Variants in APC observed in about 807,000 individuals in gnomAD.
The protein encoded by APC is APC regulator of Wnt signaling pathway.
APC carries 72 observed loss-of-function variants against 247.0 expected under a neutral mutation model. The observed-to-expected ratio is 0.29, with a 90% CI of 0.24 to 0.35. APC has a LOEUF of 0.35. Ranked by LOEUF, APC falls within the 10% of genes least tolerant of loss-of-function variation. The pLI is 1.00. For missense variants in APC, 3,400 were observed against 3,360.7 expected (o/e 1.01, Z -0.29); for synonymous variants, 1,254 against 1,162.5 (o/e 1.08, Z -1.60).
At chr5:112,823,498 A>G (rs926534027) in intron 11 of APC, 1 of 152,392 alleles carries the variant, frequency 6.6e-6, no homozygotes, top group Non-Finnish European at 1.5e-5. Flanking sequence ...CGGGGAGATA[A>G]TAGTACAAGA....
intron 7 of APC, among the ~76,000 whole-genome samples, chr5:112,793,372 A>T (rs1759857885): frequency 6.6e-6 from 1 of 152,174 alleles, no homozygotes; most frequent in African/African-American, 2.4e-5. Flanking sequence ...ATCTCCAGGC[A>T]AGTTTCTGGA....
upstream of APC, chr5:112,737,839 C>G: frequency 1.0e-6 from 1 of 985,682 alleles, no homozygotes; most frequent in Non-Finnish European, 1.2e-6. Context: ...GGTGTGGGCG[C>G]ACGTGACCGA....
chr5:112,748,058 G>T (rs1753882291), intron 1 of APC, among the ~76,000 whole-genome samples: 1 of 152,162 alleles, frequency 6.6e-6, no homozygotes, highest in African/African-American at 2.4e-5. Flanking sequence ...GACCCACAAA[G>T]CCTTATAATA....
In APC at chr5:112,833,434, G is replaced by T. The variant is rs183462352; in HGVS notation, c.1744-1517G>T. Reference sequence around the variant, plus strand: ...CTGACCTCGTGATCCGTGCACCTTGGCCCCTCAAAGTGCTGGGATTACAGG... The same window carrying T: ...CTGACCTCGTGATCCGTGCACCTTGTCCCCTCAAAGTGCTGGGATTACAGG... On this transcript the variant is annotated intron_variant, in intron 14 of 15. Coordinates refer to ENST00000257430, the MANE Select transcript of APC (RefSeq NM_000038.6). 1.9e-3 allele frequency among the ~76,000 whole-genome samples: 293 copies of T among 152,154 alleles called. 1 individual carries two copies. Among genetic ancestry groups the T allele is most frequent in the Non-Finnish European group, 2.5e-3 (173 of 67,994 alleles).
At chr5:112,832,977 A>G (rs1464750527) in intron 14 of APC, among the ~76,000 whole-genome samples, 1 of 151,768 alleles carries the variant, frequency 6.6e-6, no homozygotes, top group Non-Finnish European at 1.5e-5. Flanking sequence ...CCTGATGGAT[A>G]TATAGTAAGA....
At position 112,821,971 on chromosome 5, in the gene APC, G is replaced by C. The variant is rs1763187204; in HGVS notation, c.1388G>C (p.Arg463Thr). ...LMKLSFDEEH[R>T]HAMNELGGLQ... ...AAACTTTCATTTGATGAAGAGCATA[G>C]ACATGCAATGAATGAACTAGGTAAG... The change falls in exon 11 of 16, where the codon AGA (arginine) becomes ACA (threonine). Residue 463 changes from arginine (R) to threonine (T), a missense_variant. Physicochemically the swap from Arg to Thr is moderately conservative, Grantham distance 71. Around this residue, in one of 9 missense-constraint regions of APC, gnomAD observed 199 missense variants for 212.5 expected, o/e 0.94. Transcript: ENST00000257430. 6.2e-7 allele frequency: 1 copy of C among 1,611,894 alleles called. No individual in the cohort carries two copies.
Position 112,841,460 on chromosome 5 carries a change from A to G in APC, c.5866A>G (p.Ile1956Val), listed in dbSNP as rs749597014. The change falls in exon 16 of 16, where the codon ATT becomes GTT. Residue 1956 changes from isoleucine (I) to valine (V), a missense_variant. Physicochemically the swap from Ile to Val is conservative, Grantham distance 29. Around this residue, in one of 9 missense-constraint regions of APC, gnomAD observed 1,788 missense variants for 1,649.5 expected, o/e 1.08. Coordinates refer to ENST00000257430, the MANE Select transcript of APC (RefSeq NM_000038.6). The surrounding 1 kb of genome is among the most constrained non-coding windows in gnomAD (Gnocchi z 4.6). ...TGATGAAAAGTTACAGAATTTTGCT[A>G]TTGAAAATACTCCGGTTTGCTTTTC... Reference protein sequence around the residue: ...ATDEKLQNFAIENTPVCFSHN... With the variant: ...ATDEKLQNFAVENTPVCFSHN... The G allele has an allele frequency of 4.3e-6, 7 of 1,613,738 alleles. No homozygotes were observed. The African/African-American group carries it at 6.7e-5, about 15-fold the overall frequency.
intron 1 of APC, among the ~76,000 whole-genome samples, chr5:112,752,098 C>A (rs1754449848): frequency 6.6e-6 from 1 of 151,890 alleles, no homozygotes; most frequent in Non-Finnish European, 1.5e-5. Flanking sequence ...ATTATATCTT[C>A]TAGTAAATTA....
In APC at chr5:112,818,834, G is replaced by GTT. The variant is rs1318114007; in HGVS notation, c.934-123_934-122dup. The GTT allele has an allele frequency of 3.4e-4, 107 of 313,766 alleles. 2 individuals are homozygous for GTT. Among genetic ancestry groups the GTT allele is most frequent in the African/African-American group, 3.0e-3 (65 of 21,756 alleles). 19.4% of individuals were successfully genotyped at this position (313,766 alleles called of 1,614,324 possible). The stretch of plus-strand genomic sequence containing the variant: ...TCCTGGAAAGGTTTTCCGGTTTTTT[G>GTT]TTTTTTTTTTGGCGGGGGGGGTTGT... On this transcript the variant is annotated intron_variant, in intron 9 of 15. Transcript: ENST00000257430.
chr5:112,799,212 T>C (rs1364028074), intron 7 of APC, among the ~76,000 whole-genome samples: 1 of 148,876 alleles, frequency 6.7e-6, no homozygotes, highest in Non-Finnish European at 1.5e-5. Context: ...AAAGGCACTT[T>C]AATATTACTC....
At chr5:112,783,787 GAAAGAA>G in intron 6 of APC, 1 of 350,228 alleles carries the variant, frequency 2.9e-6, no homozygotes, top group Non-Finnish European at 5.4e-6. Flanking sequence ...AAAAAAAAGA[GAAAGAA>G]AGGAAAGAAA....
chr5:112,753,422 CT>C (rs946993073), intron 1 of APC, among the ~76,000 whole-genome samples: 62 of 152,028 alleles, frequency 4.1e-4, no homozygotes, highest in African/African-American at 1.3e-3. Flanking sequence ...TTTAGCATAC[CT>C]TTTTTTATTA....
intron 1 of APC, among the ~76,000 whole-genome samples, chr5:112,715,337 C>A (rs140969273): frequency 6.6e-6 from 1 of 152,150 alleles, no homozygotes; most frequent in African/African-American, 2.4e-5. Context: ...TGTACACATA[C>A]ACACACACAA....
chr5:112,726,500 C>T (rs1212068358), intron 1 of APC, among the ~76,000 whole-genome samples: 18 of 152,126 alleles, frequency 1.2e-4, no homozygotes, highest in Admixed American at 1.1e-3. Flanking sequence ...TCTGCTTCTC[C>T]ATTTGTCTCC....
intron 8 of APC, among the ~76,000 whole-genome samples, chr5:112,806,020 C>T (rs963661617): frequency 2.0e-5 from 3 of 152,196 alleles, no homozygotes; most frequent in Non-Finnish European, 4.4e-5. Context: ...CACTGGCCTT[C>T]TCTCAGTACC....
chr5:112,793,764 A>G (rs1266587604), intron 7 of APC, among the ~76,000 whole-genome samples: 1 of 152,142 alleles, frequency 6.6e-6, no homozygotes, highest in East Asian at 1.9e-4. Flanking sequence ...AAATTTTAAC[A>G]AGGGGCTTAG....
At chr5:112,777,483 A>C (rs1163282581) in intron 5 of APC, 1 of 154,352 alleles carries the variant, frequency 6.5e-6, no homozygotes, top group South Asian at 2.1e-4. Flanking sequence ...TTATTTGTTC[A>C]AAGTGACCAG....
intron 6 of APC, among the ~76,000 whole-genome samples, chr5:112,782,976 G>A (rs1350593115): frequency 1.3e-5 from 2 of 152,000 alleles, no homozygotes; most frequent in Non-Finnish European, 2.9e-5. Context: ...TAAAATGTTA[G>A]GTTTATTTGT....
chr5:112,783,292 C>T (rs1385200061), intron 6 of APC, among the ~76,000 whole-genome samples: 1 of 151,912 alleles, frequency 6.6e-6, no homozygotes, highest in Non-Finnish European at 1.5e-5. Context: ...AATGCCGTAT[C>T]CTTCATTTTG....
Sources: gnomAD v4.1 joint callset for allele counts (sites outside exome capture counted in the v4.1 genomes callset) on GRCh38, gnomAD v4.1.1 for gene constraint, gnomAD v4.1.1 regional missense constraint, Gnocchi (gnomAD v3.1) non-coding constraint, MANE v1.5 for transcripts, NCBI Gene and HGNC (gene_info 2026-07-23, HGNC 2026-07-21) for gene names.